NGEF: variants seen among roughly 807,000 people sequenced by gnomAD.
NGEF encodes the protein ephexin-1.
In NGEF, 31 loss-of-function variants were observed where a neutral mutation model predicts 80.9. The ratio of observed to expected loss-of-function variants is 0.38; its 90% CI spans 0.29 to 0.52. The LOEUF is 0.52. NGEF is among the 20% of genes least tolerant of loss of function. The probability of loss-of-function intolerance (pLI) is 0.84; values close to 1 mark genes in which losing one functional copy is unlikely to be tolerated. For missense variants in NGEF, 709 were observed against 926.2 expected (o/e 0.77, Z 3.04); for synonymous variants, 371 against 370.2 (o/e 1.00, Z -0.03).
intron 13 of NGEF, 114 bp downstream of exon 13, chr2:232,882,072 G>A (rs1302007398): frequency 2.1e-6 from 2 of 962,470 alleles, no homozygotes; most frequent in Non-Finnish European, 3.2e-6. Context: ...GCAGGCCTCT[G>A]AGACCACCAG....
At chr2:232,931,677 T>A (rs1437166548) in intron 3 of NGEF, among the ~76,000 whole-genome samples, 1 of 152,082 alleles carries the variant, frequency 6.6e-6, no homozygotes, top group East Asian at 1.9e-4. Context: ...GAGGTGAGAT[T>A]CTACCAGCAG....
Position 232,891,352 on chromosome 2 carries a change from C to T in NGEF, c.1272+6G>A. On this transcript the variant is annotated splice_donor_region_variant and intron_variant, in intron 8 of 14. Transcript: ENST00000264051. Reference sequence around the variant, plus strand: ...CCGTCTGTGGGTCAGGTGGAGGAGGCTGTACCTGGACCAACAGCTTGAGGC... The same window carrying T: ...CCGTCTGTGGGTCAGGTGGAGGAGGTTGTACCTGGACCAACAGCTTGAGGC... 1 of 1,613,324 alleles carries T rather than the reference C, an allele frequency of 6.2e-7. No individual in the cohort carries two copies. Among genetic ancestry groups the T allele is most frequent in the Non-Finnish European group, 8.5e-7 (1 of 1,179,788 alleles).
At chr2:232,959,613 C>T (rs1439710626) in intron 3 of NGEF, among the ~76,000 whole-genome samples, 1 of 146,904 alleles carries the variant, frequency 6.8e-6, no homozygotes, top group Admixed American at 6.9e-5. Flanking sequence ...GAGCTTCACT[C>T]TTTTTGCCCT....
At chr2:232,925,479 C>T (rs563295580) in intron 4 of NGEF, among the ~76,000 whole-genome samples, 1 of 152,320 alleles carries the variant, frequency 6.6e-6, no homozygotes, top group Non-Finnish European at 1.5e-5. Context: ...AGATGCCCTG[C>T]TGCTTCCCAG....
At chr2:232,945,886 T>A (rs1249916715) in intron 3 of NGEF, among the ~76,000 whole-genome samples, 1 of 152,020 alleles carries the variant, frequency 6.6e-6, no homozygotes, top group Non-Finnish European at 1.5e-5. Flanking sequence ...GTTCTCACTG[T>A]TAGAAAAGCA....
At chr2:232,906,869 T>C (rs1206423861) in intron 5 of NGEF, among the ~76,000 whole-genome samples, 5 of 151,688 alleles carry the variant, frequency 3.3e-5, no homozygotes, top group Non-Finnish European at 1.5e-5. Context: ...ATCCTGTTGA[T>C]CTATGACCTT....
intron 3 of NGEF, among the ~76,000 whole-genome samples, chr2:232,954,029 A>C (rs947356391): frequency 6.6e-6 from 1 of 152,174 alleles, no homozygotes; most frequent in African/African-American, 2.4e-5. Context: ...ACTATAAAAA[A>C]ATCCTTTCTT....
At chr2:232,960,390 A>T (rs1388977906) in intron 3 of NGEF, among the ~76,000 whole-genome samples, 1 of 152,200 alleles carries the variant, frequency 6.6e-6, no homozygotes, top group Non-Finnish European at 1.5e-5. Context: ...TCAGTGACGT[A>T]CTGGGGGCTT....
intron 3 of NGEF, among the ~76,000 whole-genome samples, chr2:232,932,411 C>T (rs1272984812): frequency 1.3e-5 from 2 of 151,884 alleles, no homozygotes; most frequent in Admixed American, 1.3e-4. Flanking sequence ...GTGATCCACC[C>T]GACTCGGCCT....
chr2:232,951,239 C>G (rs549549715), intron 3 of NGEF, among the ~76,000 whole-genome samples: 1 of 152,192 alleles, frequency 6.6e-6, no homozygotes, highest in Non-Finnish European at 1.5e-5. Context: ...ATGTCTAGGG[C>G]TTTTCAGATG....
chr2:232,987,744 C>T (rs1694562867), intron 1 of NGEF, among the ~76,000 whole-genome samples: 1 of 152,170 alleles, frequency 6.6e-6, no homozygotes, highest in South Asian at 2.1e-4. Context: ...TGCTGGAAGA[C>T]TTTGTTCCAT....
chr2:233,000,574 G>A (rs995066207), intron 1 of NGEF, among the ~76,000 whole-genome samples: 3 of 151,988 alleles, frequency 2.0e-5, no homozygotes, highest in Admixed American at 6.6e-5. Context: ...TGGCTAACAC[G>A]GTGAAACCCC....
At chr2:233,008,358 T>C (rs541053357) in intron 1 of NGEF, among the ~76,000 whole-genome samples, 6 of 152,224 alleles carry the variant, frequency 3.9e-5, no homozygotes, top group South Asian at 2.1e-4. Flanking sequence ...CAGAGAGCAA[T>C]TGCATCCAGC....
chr2:232,891,693 T>G (rs1001635807), intron 7 of NGEF, among the ~76,000 whole-genome samples: 1 of 152,244 alleles, frequency 6.6e-6, no homozygotes, highest in Non-Finnish European at 1.5e-5. Flanking sequence ...TGCCTGGCCT[T>G]GAAGACTTGG....
In NGEF at chr2:233,013,234, G is replaced by A. The variant is rs578157581; in HGVS notation, c.-241C>T. The A allele has an allele frequency of 2.1e-6, 1 of 471,164 alleles. No individual in the cohort carries two copies. Among genetic ancestry groups the A allele is most frequent in the Non-Finnish European group, 4.4e-6 (1 of 227,064 alleles). The allele number at this position is 471,164 out of a possible 1,614,324, so 29.2% of individuals were successfully genotyped here. A position where few individuals can be genotyped will look rare whatever the true frequency, so the allele number is the denominator to read the frequency against. On this transcript the variant is annotated 5_prime_UTR_variant, in exon 1 of 15. Transcript: ENST00000264051. ...CAGCCAAAAACTTCGTCCTGTCCTG[G>A]AAAAGCTTCACTGGTAAGCATTCCC...
At chr2:232,920,685 G>T in intron 4 of NGEF, 100 bp from the exon 5 acceptor site, 1 of 1,238,538 alleles carries the variant, frequency 8.1e-7, no homozygotes, top group Non-Finnish European at 1.1e-6. Flanking sequence ...AAGGGTGGCT[G>T]CTGTGTCCAG....
At chr2:232,895,834 GAAAT>G (rs1692041341) in intron 5 of NGEF, among the ~76,000 whole-genome samples, 1 of 152,202 alleles carries the variant, frequency 6.6e-6, no homozygotes, top group East Asian at 1.9e-4. Context: ...AAGAGAGAAA[GAAAT>G]CCATAACCTG....
intron 1 of NGEF, among the ~76,000 whole-genome samples, chr2:232,996,096 T>C (rs1694839751): frequency 6.6e-6 from 1 of 152,072 alleles, no homozygotes; most frequent in South Asian, 2.1e-4. Flanking sequence ...CAGTGACTCA[T>C]TCTACTCCAT....
At chr2:232,897,428 G>A (rs1692134909) in intron 5 of NGEF, among the ~76,000 whole-genome samples, 2 of 152,102 alleles carry the variant, frequency 1.3e-5, no homozygotes, top group South Asian at 4.1e-4. Flanking sequence ...GTTGCATCCA[G>A]AAAGTCACAT....
Sources: allele counts gnomAD v4.1 joint callset (sites outside exome capture counted in the v4.1 genomes callset), GRCh38; gene constraint gnomAD v4.1.1; transcripts MANE v1.5; gene names NCBI Gene and HGNC (gene_info 2026-07-23, HGNC 2026-07-21).